The following PLA2R1 variants were observed in gnomAD, a reference collection of about 807,000 sequenced individuals.
The protein encoded by PLA2R1 is secretory phospholipase A2 receptor.
A neutral mutation model predicts 195.9 loss-of-function variants in PLA2R1; 158 were observed. That is an observed-to-expected ratio of 0.81 (90% CI 0.71 to 0.92). The LOEUF is 0.92. Ranked by LOEUF, PLA2R1 falls within the 40% of genes least tolerant of loss-of-function variation. The probability of loss-of-function intolerance (pLI) is 0.00; values close to 1 mark genes in which losing one functional copy is unlikely to be tolerated. For synonymous variants in PLA2R1, 586 were observed against 598.2 expected (o/e 0.98, Z 0.30); for missense variants, 1,626 against 1,764.6 (o/e 0.92, Z 1.41).
intron 1 of PLA2R1, among the ~76,000 whole-genome samples, chr2:160,059,623 T>C (rs946141115): frequency 6.6e-6 from 1 of 152,170 alleles, no homozygotes; most frequent in African/African-American, 2.4e-5. Context: ...CTGTATCTAC[T>C]GACTTTTGAA....
chr2:160,021,357 A>G (rs1693101674), intron 7 of PLA2R1, among the ~76,000 whole-genome samples: 1 of 152,246 alleles, frequency 6.6e-6, no homozygotes, highest in South Asian at 2.1e-4. Context: ...TCACAATAGC[A>G]AAGATGGAAT....
intron 11 of PLA2R1, among the ~76,000 whole-genome samples, chr2:159,990,318 C>T (rs777948136): frequency 1.3e-4 from 20 of 152,090 alleles, no homozygotes; most frequent in Non-Finnish European, 1.8e-4. Flanking sequence ...TGCCTTACCC[C>T]CACCCCACTC....
chr2:160,001,354 G>T (rs1691582251), intron 11 of PLA2R1, among the ~76,000 whole-genome samples: 1 of 151,594 alleles, frequency 6.6e-6, no homozygotes, highest in Non-Finnish European at 1.5e-5. Flanking sequence ...AATGAGAAAA[G>T]AAGAAAAAGA....
intron 3 of PLA2R1, among the ~76,000 whole-genome samples, chr2:160,036,117 T>C (rs1694149741): frequency 6.6e-6 from 1 of 152,220 alleles, no homozygotes; most frequent in African/African-American, 2.4e-5. Flanking sequence ...ATACATTCTT[T>C]CTACACATGG....
intron 27 of PLA2R1, chr2:159,946,458 T>C: frequency 9.9e-7 from 1 of 1,007,958 alleles, no homozygotes; most frequent in Non-Finnish European, 1.2e-6. Flanking sequence ...TATTGTGCTT[T>C]TATAACATTT....
chr2:159,958,809 T>A (rs1688263172), intron 20 of PLA2R1, among the ~76,000 whole-genome samples: 1 of 152,198 alleles, frequency 6.6e-6, no homozygotes. Context: ...GAGACAAAGA[T>A]GCTGCTAACC....
chr2:160,013,483 C>A, intron 9 of PLA2R1, 108 bp from the exon 10 acceptor site: 1 of 530,784 alleles, frequency 1.9e-6, no homozygotes, highest in Non-Finnish European at 3.3e-6. Context: ...TCTCTTACTC[C>A]TTTAAAACTC....
intron 1 of PLA2R1, 63 bp from the exon 2 acceptor site, chr2:160,045,220 A>C (rs1432100475): frequency 1.5e-6 from 2 of 1,305,370 alleles, no homozygotes; most frequent in South Asian, 1.4e-5. Context: ...CGTCATGAGG[A>C]TCTCAGTGTG....
At chr2:160,012,530 G>C (rs12996861) in intron 10 of PLA2R1, among the ~76,000 whole-genome samples, 30,655 of 152,134 alleles carry the variant, frequency 0.2, 3,496 homozygotes, top group Admixed American at 0.35. Context: ...GATGGTGAAG[G>C]ATTTGAATAT....
At chr2:160,013,626 A>G (rs1692512577) in intron 9 of PLA2R1, among the ~76,000 whole-genome samples, 1 of 151,944 alleles carries the variant, frequency 6.6e-6, no homozygotes, top group Admixed American at 6.6e-5. Context: ...TAAAACCTTA[A>G]AAGTAAATGA....
chr2:159,986,672 T>A (rs375145658), intron 12 of PLA2R1, among the ~76,000 whole-genome samples: 2 of 152,012 alleles, frequency 1.3e-5, no homozygotes, highest in South Asian at 2.1e-4. Context: ...CTGCAACCTC[T>A]GCCTCCCGGG....
At chr2:160,024,988 A>ACTGC (rs1693406332) in intron 6 of PLA2R1, among the ~76,000 whole-genome samples, 1 of 152,060 alleles carries the variant, frequency 6.6e-6, no homozygotes, top group East Asian at 1.9e-4. Flanking sequence ...CGGAGTCACC[A>ACTGC]CTGCCTGGTG....
At chr2:159,956,308 C>A (rs1026816355) in intron 21 of PLA2R1, among the ~76,000 whole-genome samples, 1 of 152,164 alleles carries the variant, frequency 6.6e-6, no homozygotes, top group African/African-American at 2.4e-5. Flanking sequence ...CAAAACCCAG[C>A]AGTTTATAAG....
At chr2:159,984,105 T>A in intron 12 of PLA2R1, 32 bp from the exon 13 acceptor site, 1 of 1,094,366 alleles carries the variant, frequency 9.1e-7, no homozygotes, top group Non-Finnish European at 1.4e-6. Flanking sequence ...ATTAACATTG[T>A]TATAGATAAA....
In PLA2R1 at chr2:159,977,229, T is replaced by C. The variant is rs1025596103; in HGVS notation, c.2401+55A>G. The C allele has an allele frequency of 2.9e-6, 4 of 1,359,684 alleles. No individual in the cohort carries two copies. In the African/African-American group the frequency reaches 5.7e-5, roughly 20 times the overall value. 84.2% of individuals were successfully genotyped at this position (1,359,684 alleles called of 1,614,324 possible). A position where few individuals can be genotyped will look rare whatever the true frequency, so the allele number is the denominator to read the frequency against. Reference sequence around the variant, plus strand: ...GTTTGGGGTGTTTAAATTGGGAAAGTACTAGAGATTATTAGAAATCAAACA... The same window carrying C: ...GTTTGGGGTGTTTAAATTGGGAAAGCACTAGAGATTATTAGAAATCAAACA... On this transcript the variant is annotated intron_variant, in intron 15 of 29. Coordinates refer to ENST00000283243, the MANE Select transcript of PLA2R1 (RefSeq NM_007366.5).
At chr2:159,997,110 T>C (rs1376531869) in intron 11 of PLA2R1, among the ~76,000 whole-genome samples, 1 of 152,102 alleles carries the variant, frequency 6.6e-6, no homozygotes, top group African/African-American at 2.4e-5. Context: ...GAAAAGTGGA[T>C]GTAATATATT....
In PLA2R1 at chr2:160,022,684, A is replaced by G. The variant is rs1693220046; in HGVS notation, c.1275T>C (p.Leu425=). 6.3e-7 allele frequency: 1 copy of G among 1,598,408 alleles called. No homozygotes were observed. The highest frequency in any genetic ancestry group is 8.5e-7 in the Non-Finnish European group (1 of 1,170,780). ...ACTCACCATCTCCAAGGAGGGTTAC[A>G]AGAAACTCCACCTCTGCTAATGAGG... ...DITSLAEVEF[L]VTLLGDENAS... The change falls in exon 7 of 30, where the codon CTT becomes CTC. Residue 425 remains leucine (L), a synonymous_variant. Transcript: ENST00000283243.
chr2:160,044,205 C>T (rs946571709), intron 2 of PLA2R1, among the ~76,000 whole-genome samples: 1 of 151,914 alleles, frequency 6.6e-6, no homozygotes, highest in African/African-American at 2.4e-5. Context: ...CCCTCTAAAC[C>T]ATGCTTCCCC....
At chr2:159,962,657 G>T (rs1688524920) in intron 20 of PLA2R1, among the ~76,000 whole-genome samples, 2 of 152,186 alleles carry the variant, frequency 1.3e-5, no homozygotes, top group Admixed American at 1.3e-4. Flanking sequence ...ATGATAGACT[G>T]GATAAAGAAA....
Sources: gnomAD v4.1 joint callset for allele counts (sites outside exome capture counted in the v4.1 genomes callset) on GRCh38, gnomAD v4.1.1 for gene constraint, MANE v1.5 for transcripts, NCBI Gene and HGNC (gene_info 2026-07-23, HGNC 2026-07-21) for gene names.